The following CACNA1A variants were observed in gnomAD, a reference collection of about 807,000 sequenced individuals.
CACNA1A encodes the protein calcium voltage-gated channel subunit alpha1 A.
A neutral mutation model predicts 262.4 loss-of-function variants in CACNA1A; 57 were observed. The ratio of observed to expected loss-of-function variants is 0.22; its 90% CI spans 0.18 to 0.27. The LOEUF (loss-of-function observed/expected upper bound fraction) is 0.27. Ranked by LOEUF, CACNA1A falls within the 10% of genes least tolerant of loss-of-function variation. The probability of loss-of-function intolerance (pLI) is 1.00; values close to 1 mark genes in which losing one functional copy is unlikely to be tolerated. For missense variants in CACNA1A, 2,526 were observed against 3,562.8 expected (o/e 0.71, Z 7.41); for synonymous variants, 1,431 against 1,419.3 (o/e 1.01, Z -0.18).
chr19:13,263,154 C>G (rs935626327), intron 24 of CACNA1A: 1 of 279,016 alleles, frequency 3.6e-6, no homozygotes, highest in Non-Finnish European at 6.9e-6. Context: ...TCCCCACCCC[C>G]ATTTCTGCAC....
chr19:13,448,860 A>C lies in CACNA1A; in HGVS notation c.539+4016T>G, dbSNP rs1329951816. Among the ~76,000 whole-genome samples, 7 of 152,246 alleles carry C rather than the reference A, an allele frequency of 4.6e-5. No individual in the cohort carries two copies. The East Asian group carries it at 1.3e-3, about 29-fold the overall frequency. ...TGCATGGAAACTATTTTTATTAATCAGATTTATCTCATGTTGAACACAAAA... is the reference window on the plus strand; with the variant it reads ...TGCATGGAAACTATTTTTATTAATCCGATTTATCTCATGTTGAACACAAAA... On this transcript the variant is annotated intron_variant, in intron 3 of 46. Coordinates refer to ENST00000360228, the MANE Select transcript of CACNA1A (RefSeq NM_001127222.2).
intron 3 of CACNA1A, among the ~76,000 whole-genome samples, chr19:13,444,546 G>A (rs1340247486): frequency 6.6e-6 from 1 of 152,120 alleles, no homozygotes; most frequent in African/African-American, 2.4e-5. Flanking sequence ...AATAAAAAGC[G>A]AGGAACTGGG....
intron 1 of CACNA1A, among the ~76,000 whole-genome samples, chr19:13,503,503 A>C (rs1235332276): frequency 6.6e-6 from 1 of 152,066 alleles, no homozygotes; most frequent in Non-Finnish European, 1.5e-5. Flanking sequence ...TAGATTAAAA[A>C]GTAGAATGTT....
chr19:13,408,352 A>G (rs1455614962), intron 3 of CACNA1A, among the ~76,000 whole-genome samples: 1 of 152,230 alleles, frequency 6.6e-6, no homozygotes, highest in Non-Finnish European at 1.5e-5. Flanking sequence ...CCTGGGCAAC[A>G]GAGTGAGACC....
intron 11 of CACNA1A, chr19:13,315,912 C>G (rs2058118533): frequency 6.6e-6 from 1 of 152,164 alleles, no homozygotes; most frequent in African/African-American, 2.4e-5. Flanking sequence ...GGGCATCCAC[C>G]TGCCCCCCTC....
intron 30 of CACNA1A, among the ~76,000 whole-genome samples, chr19:13,247,395 A>G (rs1016846450): frequency 2.6e-5 from 4 of 152,170 alleles, no homozygotes; most frequent in African/African-American, 9.7e-5. Context: ...ACAACTGCCT[A>G]AAAAAGGAAT....
chr19:13,299,029 G>C lies in CACNA1A; in HGVS notation c.2604C>G (p.Ala868=). 1.3e-6 allele frequency: 2 copies of C among 1,593,134 alleles called. No homozygotes were observed. The highest frequency in any genetic ancestry group is 1.7e-6 in the Non-Finnish European group (2 of 1,175,432). Residue 868 remains alanine (A), a synonymous_variant, in exon 19 of 47, where the codon GCC becomes GCG. Coordinates refer to ENST00000360228, the MANE Select transcript of CACNA1A (RefSeq NM_001127222.2). ...LRKQARYHDR[A]RDPSGSAGLD... ...GGCCCGCCGAGCCGCTGGGGTCCCG[G>C]GCCCGATCGTGGTAGCGGGCCTGTT...
intron 34 of CACNA1A, among the ~76,000 whole-genome samples, chr19:13,232,192 C>T (rs953460351): frequency 2.0e-4 from 29 of 145,248 alleles, no homozygotes; most frequent in African/African-American, 6.3e-4. Context: ...CCTTTCTTTT[C>T]TCTCTCTCTC....
In CACNA1A at chr19:13,249,091, AAGT is replaced by A. The variant is rs768002971; in HGVS notation, c.4867-3829_4867-3827del. Among the ~76,000 whole-genome samples the A allele has an allele frequency of 1.2e-4, 18 of 152,128 alleles. No individual in the cohort carries two copies. In the Middle Eastern group the frequency reaches 0.01, roughly 86 times the overall value. ...TCAAGTAATCCTCCTGCCTTCGCCTAAGTAGTTAGGACAACAGTCATGTGCCAC... is the reference window on the plus strand; with the variant it reads ...TCAAGTAATCCTCCTGCCTTCGCCTAAGTTAGGACAACAGTCATGTGCCAC... On this transcript the variant is annotated intron_variant, in intron 30 of 46. Coordinates refer to ENST00000360228, the MANE Select transcript of CACNA1A (RefSeq NM_001127222.2).
At chr19:13,258,626 G>A (rs896143715) in intron 27 of CACNA1A, 3 of 152,230 alleles carry the variant, frequency 2.0e-5, no homozygotes, top group African/African-American at 7.2e-5. Context: ...ATTCCCACAT[G>A]TGTGAGTACT....
In CACNA1A at chr19:13,421,763, G is replaced by A. The variant is rs541948786; in HGVS notation, c.539+31113C>T. On this transcript the variant is annotated intron_variant, in intron 3 of 46. Transcript: ENST00000360228. ...GATCTTCCCAGCCTCCAGAACTGTG[G>A]AAAATAAATTTCTGAGGTGTATAAG... Among the ~76,000 whole-genome samples, 8 of 152,174 alleles carry A rather than the reference G, an allele frequency of 5.3e-5. No individual in the cohort carries two copies. The South Asian group carries it at 1.7e-3, about 32-fold the overall frequency.
intron 3 of CACNA1A, among the ~76,000 whole-genome samples, chr19:13,423,486 CCA>C (rs2060349993): frequency 6.6e-6 from 1 of 152,062 alleles, no homozygotes; most frequent in African/African-American, 2.4e-5. Flanking sequence ...GGATTGAATC[CCA>C]GAGAGAATTT....
chr19:13,373,980 G>A (rs1177537444), intron 3 of CACNA1A, among the ~76,000 whole-genome samples: 2 of 152,200 alleles, frequency 1.3e-5, no homozygotes, highest in African/African-American at 2.4e-5. Context: ...GGGGCACACA[G>A]CAGGTCGTGT....
intron 19 of CACNA1A, among the ~76,000 whole-genome samples, chr19:13,290,287 C>T (rs72993591): frequency 0.031 from 4,674 of 152,072 alleles, 122 homozygotes; most frequent in South Asian, 0.046. Flanking sequence ...GGACAGTCCA[C>T]AAAGAAATCC....
In CACNA1A at chr19:13,286,727, G is replaced by T. The variant is rs2057408993; in HGVS notation, c.3329C>A (p.Pro1110His). Residue 1110 changes from proline (P) to histidine (H), a missense_variant, in exon 20 of 47, where the codon CCT becomes CAT. Pro to His is a moderately conservative substitution (Grantham distance 77). Transcript: ENST00000360228. ...STDPGPMLAIPAMATNPQNAA... is the reference protein window; with the variant it reads ...STDPGPMLAIHAMATNPQNAA... ...GTTCTGGGGGTTGGTGGCCATGGCAGGGATGGCCAGCATGGGGCCGGGGTC... is the reference window on the plus strand; with the variant it reads ...GTTCTGGGGGTTGGTGGCCATGGCATGGATGGCCAGCATGGGGCCGGGGTC... 3 of 1,599,926 alleles carry T rather than the reference G, an allele frequency of 1.9e-6. No homozygotes were observed. In the African/African-American group the frequency reaches 4.0e-5, roughly 21 times the overall value.
chr19:13,328,838 A>C (rs974296771), intron 10 of CACNA1A, among the ~76,000 whole-genome samples: 11 of 152,118 alleles, frequency 7.2e-5, no homozygotes, highest in Non-Finnish European at 1.5e-4. Flanking sequence ...GGGAATACGA[A>C]ATAGTGGATC....
Position 13,330,573 on chromosome 19 carries a change from A to G in CACNA1A, c.1256-240T>C, listed in dbSNP as rs10425496. On this transcript the variant is annotated intron_variant, in intron 9 of 46. Transcript: ENST00000360228. ...CGACTCCAGGTCTGGGCCCTCAGCCACTATTTTCCTTCTGGTTTATTTATT... is the reference window on the plus strand; with the variant it reads ...CGACTCCAGGTCTGGGCCCTCAGCCGCTATTTTCCTTCTGGTTTATTTATT... 0.21 allele frequency among the ~76,000 whole-genome samples: 31,376 copies of G among 148,146 alleles called. 3,622 individuals are homozygous for G. Among genetic ancestry groups the G allele is most frequent in the African/African-American group, 0.32 (12,673 of 39,706 alleles).
chr19:13,280,541 G>A (rs80241747), intron 22 of CACNA1A, among the ~76,000 whole-genome samples: 5,662 of 152,010 alleles, frequency 0.037, 164 homozygotes, highest in East Asian at 0.079. Context: ...GTTGAGGGGC[G>A]TGGCATGGGG....
intron 6 of CACNA1A, among the ~76,000 whole-genome samples, chr19:13,356,610 C>T (rs1300627950): frequency 6.6e-6 from 1 of 152,152 alleles, no homozygotes; most frequent in East Asian, 1.9e-4. Flanking sequence ...TTAATCTGAA[C>T]CCCCAGACGC....
Sources: allele counts gnomAD v4.1 joint callset (sites outside exome capture counted in the v4.1 genomes callset), GRCh38; gene constraint gnomAD v4.1.1; transcripts MANE v1.5; gene names NCBI Gene and HGNC (gene_info 2026-07-23, HGNC 2026-07-21).